TFDP2: variants seen among roughly 807,000 people sequenced by gnomAD.
TFDP2 encodes transcription factor Dp-2.
TFDP2 carries 17 observed loss-of-function variants against 59.3 expected under a neutral mutation model. The observed-to-expected ratio is 0.29, with a 90% CI of 0.20 to 0.43. TFDP2 has a LOEUF of 0.43. Ranked by LOEUF, TFDP2 falls within the 20% of genes least tolerant of loss-of-function variation. TFDP2 has a pLI of 1.00. For synonymous variants in TFDP2, 180 were observed against 194.7 expected (o/e 0.92, Z 0.63); for missense variants, 391 against 528.8 (o/e 0.74, Z 2.56).
Position 141,997,656 on chromosome 3 carries a change from C to A in TFDP2, c.187-2515G>T, listed in dbSNP as rs113582287. On this transcript the variant is annotated intron_variant, in intron 4 of 12. Transcript: ENST00000489671. ...TTTGAGGCCAGGAGTTCAAGATCAG[C>A]CTGGCCAATATGGTGAAACCCTAAC... Among the ~76,000 whole-genome samples the A allele has an allele frequency of 2.8e-3, 425 of 151,746 alleles. 1 individual carries two copies. Among genetic ancestry groups the A allele is most frequent in the African/African-American group, 9.9e-3 (411 of 41,418 alleles).
intron 3 of TFDP2, among the ~76,000 whole-genome samples, chr3:142,021,903 C>T (rs548208385): frequency 1.5e-4 from 23 of 152,322 alleles, no homozygotes; most frequent in African/African-American, 5.0e-4. Flanking sequence ...ACATTTGTCT[C>T]ATCTGTAGGT....
At chr3:142,025,683 A>T (rs1338016027) in intron 3 of TFDP2, among the ~76,000 whole-genome samples, 1 of 152,228 alleles carries the variant, frequency 6.6e-6, no homozygotes, top group African/African-American at 2.4e-5. Flanking sequence ...AAGTCCATGT[A>T]AATTGTTTTA....
chr3:141,989,995 G>T (rs937403262), intron 6 of TFDP2, among the ~76,000 whole-genome samples: 1 of 151,946 alleles, frequency 6.6e-6, no homozygotes, highest in Non-Finnish European at 1.5e-5. Flanking sequence ...CTGGGTTCAA[G>T]CAATTCTTGC....
chr3:142,042,481 G>A (rs536690342), intron 3 of TFDP2, among the ~76,000 whole-genome samples: 17 of 151,962 alleles, frequency 1.1e-4, no homozygotes, highest in Non-Finnish European at 2.2e-4. Context: ...TGTACTTTTA[G>A]TAGAGACGGG....
chr3:142,054,768 A>C (rs1318488244), intron 3 of TFDP2, among the ~76,000 whole-genome samples: 4 of 152,224 alleles, frequency 2.6e-5, no homozygotes, highest in Admixed American at 2.6e-4. Context: ...TGTGGTCTGC[A>C]GTAAGTCATT....
At chr3:142,061,889 TACAC>T (rs71153939) in intron 3 of TFDP2, among the ~76,000 whole-genome samples, 2,397 of 79,852 alleles carry the variant, frequency 0.03, 89 homozygotes, top group Non-Finnish European at 0.043. Context: ...TCTCTCTCTC[TACAC>T]ACACACACAC....
At chr3:142,114,765 GA>G (rs2061791191) in intron 1 of TFDP2, among the ~76,000 whole-genome samples, 2 of 151,488 alleles carry the variant, frequency 1.3e-5, no homozygotes, top group African/African-American at 4.9e-5. Context: ...GCACAAAGAA[GA>G]AAATAAAAAT....
rs1020694775 is a variant in TFDP2 at position 141,950,199 on chromosome 3, A to C, written c.*2314T>G. 7 of 152,218 alleles carry C rather than the reference A, an allele frequency of 4.6e-5. No homozygotes were observed. Among genetic ancestry groups the C allele is most frequent in the African/African-American group, 1.7e-4 (7 of 41,448 alleles). 9.4% of individuals were successfully genotyped at this position (152,218 alleles called of 1,614,324 possible). On this transcript the variant is annotated 3_prime_UTR_variant, in exon 13 of 13. Coordinates refer to ENST00000489671, the MANE Select transcript of TFDP2 (RefSeq NM_001178139.2). ...CCAGATAAATGTTGAGGGGGAATAC[A>C]GAAGAGAATTGACCTTTCTGAACAG...
chr3:142,048,464 T>C (rs893391488), intron 3 of TFDP2, among the ~76,000 whole-genome samples: 4 of 151,740 alleles, frequency 2.6e-5, no homozygotes, highest in Admixed American at 1.3e-4. Context: ...AGTAGAGGTA[T>C]AGTTTTCTAA....
At chr3:142,095,376 TCTA>T (rs1400609961) in intron 2 of TFDP2, among the ~76,000 whole-genome samples, 16 of 152,244 alleles carry the variant, frequency 1.1e-4, no homozygotes, top group African/African-American at 3.9e-4. Flanking sequence ...AATTCAATGC[TCTA>T]CTAAGAATTC....
In TFDP2 at chr3:141,947,626, G is replaced by A. The variant is rs1379796283; in HGVS notation, c.*4887C>T. 3 of 152,170 alleles carry A rather than the reference G, an allele frequency of 2.0e-5. No individual in the cohort carries two copies. Among genetic ancestry groups the A allele is most frequent in the Non-Finnish European group, 4.4e-5 (3 of 68,034 alleles). The allele number at this position is 152,170 out of a possible 1,614,324, so 9.4% of individuals were successfully genotyped here. On this transcript the variant is annotated 3_prime_UTR_variant, in exon 13 of 13. Coordinates refer to ENST00000489671, the MANE Select transcript of TFDP2 (RefSeq NM_001178139.2). Reference sequence around the variant, plus strand: ...TTTTTCTACTGCATAGATTCAGTTGGAAAGTAGTGAATCTTTGTGACAATC... The same window carrying A: ...TTTTTCTACTGCATAGATTCAGTTGAAAAGTAGTGAATCTTTGTGACAATC...
intron 1 of TFDP2, among the ~76,000 whole-genome samples, chr3:142,111,556 A>C (rs925436555): frequency 3.3e-5 from 5 of 152,032 alleles, no homozygotes; most frequent in Non-Finnish European, 5.9e-5. Context: ...AGAAAAAAAA[A>C]CACACAAACT....
chr3:142,108,048 T>C (rs2061532918), intron 1 of TFDP2, among the ~76,000 whole-genome samples: 1 of 152,164 alleles, frequency 6.6e-6, no homozygotes, highest in African/African-American at 2.4e-5. Context: ...TGAAAGTTGA[T>C]TACATGCCAG....
chr3:142,147,475 G>C (rs1349272969), intron 1 of TFDP2, among the ~76,000 whole-genome samples: 1 of 152,176 alleles, frequency 6.6e-6, no homozygotes. Flanking sequence ...AGCTGCCAGA[G>C]AAAAACTTCC....
In TFDP2 at chr3:142,041,972, G is replaced by A. The variant is rs184827229; in HGVS notation, c.83-36428C>T. On this transcript the variant is annotated intron_variant, in intron 3 of 12. Transcript: ENST00000489671. Reference sequence around the variant, plus strand: ...TTCAGAGATCAGGTGACTATATTTGGGTGAGTCCATTTCTGCACTCTTTAT... The same window carrying A: ...TTCAGAGATCAGGTGACTATATTTGAGTGAGTCCATTTCTGCACTCTTTAT... 2.8e-3 allele frequency among the ~76,000 whole-genome samples: 430 copies of A among 152,098 alleles called. 1 individual carries two copies. The highest frequency in any genetic ancestry group is 5.4e-3 in the Non-Finnish European group (370 of 68,000).
At chr3:142,093,186 A>G in intron 2 of TFDP2, 59 bp from the exon 3 acceptor site, 2 of 1,198,814 alleles carry the variant, frequency 1.7e-6, no homozygotes, top group Non-Finnish European at 2.3e-6. Flanking sequence ...TGTTCACTTA[A>G]CAAGCTATTT....
intron 1 of TFDP2, among the ~76,000 whole-genome samples, chr3:142,124,788 G>T (rs916285294): frequency 6.6e-6 from 1 of 152,084 alleles, no homozygotes; most frequent in African/African-American, 2.4e-5. Context: ...TGGAAAAATT[G>T]TATCTGCAAC....
intron 11 of TFDP2, among the ~76,000 whole-genome samples, chr3:141,955,622 C>T (rs1559912741): frequency 6.6e-6 from 1 of 152,168 alleles, no homozygotes; most frequent in African/African-American, 2.4e-5. Context: ...ACAAACTCTT[C>T]TGTTGTGAGC....
chr3:142,030,272 GC>G (rs1479617361), intron 3 of TFDP2, among the ~76,000 whole-genome samples: 1 of 152,118 alleles, frequency 6.6e-6, no homozygotes, highest in Non-Finnish European at 1.5e-5. Flanking sequence ...AACCTATATG[GC>G]CCTCTATCTT....
Sources: allele counts gnomAD v4.1 joint callset (sites outside exome capture counted in the v4.1 genomes callset), GRCh38; gene constraint gnomAD v4.1.1; transcripts MANE v1.5; gene names NCBI Gene and HGNC (gene_info 2026-07-23, HGNC 2026-07-21).